The following SYNPO variants were observed in gnomAD, a reference collection of about 807,000 sequenced individuals.
The protein encoded by SYNPO is synaptopodin.
Under a neutral mutation model 49.5 loss-of-function variants are expected in SYNPO, and 19 were observed. The observed-to-expected ratio is 0.38, with a 90% CI of 0.27 to 0.56. The LOEUF (loss-of-function observed/expected upper bound fraction) is 0.56. Ranked by LOEUF, SYNPO falls within the 20% of genes least tolerant of loss-of-function variation. The probability of loss-of-function intolerance (pLI) is 0.68; values close to 1 mark genes in which losing one functional copy is unlikely to be tolerated. For missense variants in SYNPO, 1,131 were observed against 1,248.3 expected (o/e 0.91, Z 1.42); for synonymous variants, 536 against 548.0 (o/e 0.98, Z 0.31).
chr5:150,609,212 C>T (rs1310496070), intron 1 of SYNPO, among the ~76,000 whole-genome samples: 1 of 152,246 alleles, frequency 6.6e-6, no homozygotes, highest in Admixed American at 6.5e-5. Flanking sequence ...TGGCTGGCTT[C>T]AGCACACAGC....
chr5:150,593,038 G>A, the SYNPO span, among the ~76,000 whole-genome samples: 2 of 152,224 alleles, frequency 1.3e-5, no homozygotes, highest in Admixed American at 1.3e-4. Context: ...TCTGAACAAA[G>A]TGCTCCCCTC....
chr5:150,644,610 C>G (rs759578263), intron 1 of SYNPO, among the ~76,000 whole-genome samples: 1 of 152,220 alleles, frequency 6.6e-6, no homozygotes, highest in Non-Finnish European at 1.5e-5. Context: ...CCTCCCAACA[C>G]TCATGTCAAG....
chr5:150,624,263 T>C (rs1757272036), intron 2 of SYNPO, among the ~76,000 whole-genome samples: 1 of 152,016 alleles, frequency 6.6e-6, no homozygotes, highest in African/African-American at 2.4e-5. Context: ...GGCTGAGACA[T>C]AGCGGGGAAG....
chr5:150,618,500 G>A lies in SYNPO; in HGVS notation c.133G>A (p.Gly45Ser), dbSNP rs1447221522. Residue 45 changes from glycine to serine, a missense_variant, in exon 2 of 3, where the codon GGC becomes AGC. By Grantham distance (56) the Gly-to-Ser change is moderately conservative. Coordinates refer to the SYNPO transcript ENST00000394243. ...AGCCGAGGAGAGCAGCGGTGAGGAG[G>A]GCCTGCAGGGAGAGGTGGGGCCTAC... 3.2e-6 allele frequency: 5 copies of A among 1,551,404 alleles called. No individual in the cohort carries two copies. In the South Asian group the frequency reaches 5.9e-5, roughly 18 times the overall value.
chr5:150,598,662 C>A (rs1455177716), upstream of SYNPO, among the ~76,000 whole-genome samples: 2 of 152,234 alleles, frequency 1.3e-5, no homozygotes, highest in African/African-American at 4.8e-5. Flanking sequence ...GGGAAACTTG[C>A]TATTGCAGAG....
At chr5:150,636,687 G>A (rs191315570), upstream of SYNPO, among the ~76,000 whole-genome samples, 1,050 of 152,252 alleles carry the variant, frequency 6.9e-3, 12 homozygotes, top group African/African-American at 0.024. Flanking sequence ...GGCAGGGTCA[G>A]CAGCCTCCAG....
At chr5:150,632,773 G>A (rs1757584163) in intron 2 of SYNPO, among the ~76,000 whole-genome samples, 2 of 152,122 alleles carry the variant, frequency 1.3e-5, no homozygotes, top group African/African-American at 2.4e-5. Flanking sequence ...AGTAGCCGGT[G>A]CTATTCTTAG....
At chr5:150,599,664 C>T (rs78697722), upstream of SYNPO, among the ~76,000 whole-genome samples, 5,516 of 152,162 alleles carry the variant, frequency 0.036, 301 homozygotes, top group African/African-American at 0.12. Flanking sequence ...AAGACATCTG[C>T]GAAGACAGAG....
chr5:150,647,235 A>G (rs1334756967), intron 1 of SYNPO, among the ~76,000 whole-genome samples: 1 of 141,016 alleles, frequency 7.1e-6, no homozygotes, highest in Admixed American at 7.0e-5. Context: ...AAGAGCAAAA[A>G]CTCCTTCTCA....
chr5:150,625,167 C>A (rs1757311935), intron 2 of SYNPO, among the ~76,000 whole-genome samples: 1 of 152,220 alleles, frequency 6.6e-6, no homozygotes, highest in African/African-American at 2.4e-5. Context: ...AGCTACCCTC[C>A]TGGGCTGCGT....
At chr5:150,630,537 T>C (rs4958728) in intron 2 of SYNPO, among the ~76,000 whole-genome samples, 43,992 of 151,636 alleles carry the variant, frequency 0.29, 6,668 homozygotes, top group Admixed American at 0.38. Context: ...ATGGGGAGAG[T>C]ACTGATTAAA....
the SYNPO span, among the ~76,000 whole-genome samples, chr5:150,586,909 TA>T: frequency 1.3e-5 from 2 of 152,082 alleles, no homozygotes; most frequent in East Asian, 3.9e-4. Context: ...CATGGATAGT[TA>T]TATGGAAGCA....
chr5:150,612,071 C>T (rs1756862893), intron 1 of SYNPO, among the ~76,000 whole-genome samples: 2 of 152,354 alleles, frequency 1.3e-5, no homozygotes, highest in East Asian at 1.9e-4. Flanking sequence ...GATCTCATCC[C>T]CTCTTTGGGA....
chr5:150,607,144 C>T (rs1190292876), intron 1 of SYNPO, among the ~76,000 whole-genome samples: 1 of 152,078 alleles, frequency 6.6e-6, no homozygotes, highest in Admixed American at 6.6e-5. Flanking sequence ...GTGTCAGGTC[C>T]TCCATTGGGC....
At chr5:150,599,354 G>T (rs567140986), upstream of SYNPO, among the ~76,000 whole-genome samples, 1 of 152,342 alleles carries the variant, frequency 6.6e-6, no homozygotes, top group East Asian at 1.9e-4. Context: ...CTTTTTCATG[G>T]ATGGTTTGGG....
At chr5:150,595,710 C>T in the SYNPO span, among the ~76,000 whole-genome samples, 23 of 152,212 alleles carry the variant, frequency 1.5e-4, no homozygotes, top group Non-Finnish European at 2.6e-4. Context: ...TGCTGGCCTT[C>T]GCGATAAGGC....
rs773358906 is a variant in SYNPO, at chr5:150,648,960, C to A, written c.685C>A (p.Leu229Met). The change falls in exon 2 of 3, where the codon CTG (leucine) becomes ATG (methionine). Residue 229 changes from leucine (L) to methionine (M), a missense_variant. Leu to Met is a conservative substitution (Grantham distance 15). Around this residue, in one of 4 missense-constraint regions of SYNPO, gnomAD observed 602 missense variants for 720.7 expected, o/e 0.84. Transcript: ENST00000307662. This position sits in a 1 kb window ranked among gnomAD's most constrained non-coding sequence, Gnocchi z 5.0. ...GGTCTACAGTGAGGTCCACTTCACACTGGCCAAGCCCCCATCAGTGGTCAA... is the reference window on the plus strand; with the variant it reads ...GGTCTACAGTGAGGTCCACTTCACAATGGCCAAGCCCCCATCAGTGGTCAA... ...TKVYSEVHFT[L>M]AKPPSVVNRT... The A allele has an allele frequency of 6.2e-7, 1 of 1,614,262 alleles. No homozygotes were observed. The highest frequency in any genetic ancestry group is 2.2e-5 in the East Asian group (1 of 44,884).
chr5:150,615,178 G>T (rs8180453), intron 1 of SYNPO: 1 of 152,194 alleles, frequency 6.6e-6, no homozygotes, highest in Non-Finnish European at 1.5e-5. Flanking sequence ...CAAGCTCCCC[G>T]ACTGGGTTGG....
chr5:150,651,319 G>T (rs1481794166), intron 2 of SYNPO: 7 of 1,000,540 alleles, frequency 7.0e-6, no homozygotes, highest in Non-Finnish European at 8.4e-6. Flanking sequence ...CTTCTCATTT[G>T]CTGTGTGACT....
Sources: gnomAD v4.1 joint callset for allele counts (sites outside exome capture counted in the v4.1 genomes callset) on GRCh38, gnomAD v4.1.1 for gene constraint, gnomAD v4.1.1 regional missense constraint, Gnocchi (gnomAD v3.1) non-coding constraint, MANE v1.5 for transcripts, NCBI Gene and HGNC (gene_info 2026-07-23, HGNC 2026-07-21) for gene names.